The following COPG2 variants were observed in gnomAD, a reference collection of about 807,000 sequenced individuals.
COPG2 encodes coatomer subunit gamma-2.
In COPG2, 37 loss-of-function variants were observed where a neutral mutation model predicts 46.3. The ratio of observed to expected loss-of-function variants is 0.80; its 90% CI spans 0.61 to 1.05. The LOEUF is 1.05. COPG2 is among the 50% of genes least tolerant of loss of function. COPG2 has a pLI of 0.00. For synonymous variants in COPG2, 159 were observed against 129.7 expected, an observed-to-expected ratio of 1.23 and a Z score of -1.53; for missense variants, 427 against 387.8, an observed-to-expected ratio of 1.10 and a Z score of -0.85.
At chr7:130,641,779 TCTTA>T (rs1370679273) in intron 5 of COPG2, among the ~76,000 whole-genome samples, 1 of 152,200 alleles carries the variant, frequency 6.6e-6, no homozygotes, top group Non-Finnish European at 1.5e-5. Context: ...CTTGTATATT[TCTTA>T]CTAAGTGGAT....
intron 9 of COPG2, among the ~76,000 whole-genome samples, chr7:130,585,799 C>CA (rs1339063417): frequency 6.6e-6 from 1 of 151,726 alleles, no homozygotes; most frequent in African/African-American, 2.4e-5. Context: ...TGGCCACAAT[C>CA]AAAAAAATCA....
chr7:130,521,264 A>G (rs1480317422), intron 20 of COPG2, among the ~76,000 whole-genome samples: 3 of 152,226 alleles, frequency 2.0e-5, no homozygotes, highest in African/African-American at 7.2e-5. Context: ...GTGTCCAGGA[A>G]AGTACATTTG....
At chr7:130,638,820 C>T (rs1197879616) in intron 5 of COPG2, among the ~76,000 whole-genome samples, 1 of 152,250 alleles carries the variant, frequency 6.6e-6, no homozygotes, top group South Asian at 2.1e-4. Context: ...GCCCAAACGG[C>T]CGCCCAGTTT....
chr7:130,613,915 G>A (rs781837430), intron 6 of COPG2, among the ~76,000 whole-genome samples: 3 of 152,158 alleles, frequency 2.0e-5, no homozygotes, highest in Non-Finnish European at 4.4e-5. Context: ...TCTCAGTTTG[G>A]AAGAAATACA....
At chr7:130,629,537 G>T (rs1202835841) in intron 5 of COPG2, among the ~76,000 whole-genome samples, 1 of 151,652 alleles carries the variant, frequency 6.6e-6, no homozygotes, top group Non-Finnish European at 1.5e-5. Context: ...TGGGACTACA[G>T]GCACATGCCA....
intron 5 of COPG2, among the ~76,000 whole-genome samples, chr7:130,635,631 T>C (rs782319583): frequency 2.6e-5 from 4 of 152,226 alleles, no homozygotes; most frequent in Non-Finnish European, 4.4e-5. Flanking sequence ...TCCATCTATT[T>C]TGCTAATCTT....
At chr7:130,507,419 G>A (rs782811644) in intron 22 of COPG2, 47 bp from the exon 23 acceptor site, 1 of 778,798 alleles carries the variant, frequency 1.3e-6, no homozygotes, top group South Asian at 1.3e-5. Flanking sequence ...GTAAAGCACA[G>A]GGATCTCCCT....
intron 5 of COPG2, among the ~76,000 whole-genome samples, chr7:130,640,158 C>CTTTT (rs11431866): frequency 1.8e-4 from 17 of 96,498 alleles, no homozygotes; most frequent in South Asian, 4.5e-4. Context: ...CACCACCAAC[C>CTTTT]TTTTTTTTTT....
intron 5 of COPG2, among the ~76,000 whole-genome samples, chr7:130,633,031 G>A (rs1222949613): frequency 6.6e-6 from 1 of 152,130 alleles, no homozygotes. Context: ...TGCTGAGAAT[G>A]ATGGTTTCCA....
chr7:130,517,045 C>A (rs36156623), intron 20 of COPG2, among the ~76,000 whole-genome samples: 2 of 151,988 alleles, frequency 1.3e-5, no homozygotes, highest in African/African-American at 4.8e-5. Flanking sequence ...CAGGTGACAG[C>A]TGAAAGAAGG....
intron 20 of COPG2, among the ~76,000 whole-genome samples, chr7:130,524,329 C>T (rs1799754351): frequency 6.6e-6 from 1 of 152,022 alleles, no homozygotes; most frequent in Admixed American, 6.6e-5. Context: ...GGGAGAATCA[C>T]AGATTGTGCT....
At chr7:130,637,718 A>C (rs984704156) in intron 5 of COPG2, among the ~76,000 whole-genome samples, 2 of 152,112 alleles carry the variant, frequency 1.3e-5, no homozygotes, top group Non-Finnish European at 2.9e-5. Flanking sequence ...TCTGAAGCCT[A>C]CTTCTGCCAA....
chr7:130,541,027 G>T (rs916788186), intron 20 of COPG2, among the ~76,000 whole-genome samples: 271 of 152,350 alleles, frequency 1.8e-3, no homozygotes, highest in African/African-American at 6.3e-3. Flanking sequence ...ATCACTGGTG[G>T]ATGCGGGAGG....
intron 5 of COPG2, among the ~76,000 whole-genome samples, chr7:130,648,125 A>G (rs1188133328): frequency 1.3e-5 from 2 of 152,186 alleles, no homozygotes; most frequent in Admixed American, 1.3e-4. Context: ...TTTGTGAAGT[A>G]TGTGCCTTCA....
intron 5 of COPG2, among the ~76,000 whole-genome samples, chr7:130,620,499 C>T (rs1273915891): frequency 6.6e-6 from 1 of 152,164 alleles, no homozygotes; most frequent in African/African-American, 2.4e-5. Flanking sequence ...TAAAAGTTTA[C>T]CTGATTAAAT....
intron 3 of COPG2, among the ~76,000 whole-genome samples, chr7:130,663,965 T>C (rs1031365639): frequency 1.3e-5 from 2 of 152,030 alleles, no homozygotes; most frequent in Admixed American, 6.5e-5. Flanking sequence ...GGTCTTGAAC[T>C]CCTGACCTCG....
intron 20 of COPG2, among the ~76,000 whole-genome samples, chr7:130,520,482 A>C (rs1799715204): frequency 6.6e-6 from 1 of 152,218 alleles, no homozygotes; most frequent in East Asian, 1.9e-4. Flanking sequence ...ATACAGCCTA[A>C]ATACTTGTTA....
chr7:130,596,667 C>T (rs1794533130), intron 9 of COPG2, among the ~76,000 whole-genome samples: 2 of 152,192 alleles, frequency 1.3e-5, no homozygotes, highest in Non-Finnish European at 2.9e-5. Flanking sequence ...AGCCTGGACA[C>T]TGGCTGGGGC....
chr7:130,604,611 T>C, intron 9 of COPG2: 2 of 382,780 alleles, frequency 5.2e-6, no homozygotes, highest in South Asian at 2.2e-5. Context: ...ATAGCCATAT[T>C]ATCTCCAAAT....
Sources: gnomAD v4.1 joint callset for allele counts (sites outside exome capture counted in the v4.1 genomes callset) on GRCh38, gnomAD v4.1.1 for gene constraint, MANE v1.5 for transcripts, NCBI Gene and HGNC (gene_info 2026-07-23, HGNC 2026-07-21) for gene names.